Variants in ELAPOR2 observed in about 807,000 individuals in gnomAD.
ELAPOR2 encodes endosome/lysosome-associated apoptosis and autophagy regulator family member 2.
In ELAPOR2, 89 loss-of-function variants were observed where a neutral mutation model predicts 120.7. The ratio of observed to expected loss-of-function variants is 0.74; its 90% confidence interval spans 0.62 to 0.88. ELAPOR2 has a LOEUF of 0.88. ELAPOR2 is among the 40% of genes least tolerant of loss of function. The pLI is 0.00. For missense variants in ELAPOR2, 1,134 were observed against 1,251.6 expected (o/e 0.91, Z 1.42); for synonymous variants, 444 against 444.9 (o/e 1.00, Z 0.03).
At chr7:87,044,944 G>A (rs558380462) in intron 1 of ELAPOR2, among the ~76,000 whole-genome samples, 308 of 147,188 alleles carry the variant, frequency 2.1e-3, no homozygotes, top group African/African-American at 6.4e-3. Flanking sequence ...AAAAGTGGGC[G>A]AAGGACATGA....
At chr7:86,932,158 G>A (rs1790358094) in intron 8 of ELAPOR2, among the ~76,000 whole-genome samples, 4 of 151,936 alleles carry the variant, frequency 2.6e-5, no homozygotes, top group Admixed American at 2.6e-4. Context: ...GAGCTGTGAG[G>A]ATACTAGTGG....
At chr7:86,965,917 T>A in intron 1 of ELAPOR2, 1 of 985,302 alleles carries the variant, frequency 1.0e-6, no homozygotes, top group Non-Finnish European at 1.2e-6. Context: ...TCAAGCCACA[T>A]CACCATGCGG....
At chr7:87,014,816 C>G (rs549247829) in intron 1 of ELAPOR2, among the ~76,000 whole-genome samples, 1 of 152,034 alleles carries the variant, frequency 6.6e-6, no homozygotes, top group African/African-American at 2.4e-5. Context: ...TTGTTCAATT[C>G]ACTTCAAAAA....
chr7:86,924,613 A>T (rs572352518), intron 10 of ELAPOR2, among the ~76,000 whole-genome samples: 60 of 151,932 alleles, frequency 3.9e-4, no homozygotes, highest in Non-Finnish European at 7.1e-4. Flanking sequence ...AATAATGAAG[A>T]CTAGCTCACA....
Position 86,899,070 on chromosome 7 carries a change from T to C in ELAPOR2, c.2559-1438A>G, listed in dbSNP as rs188846234. On this transcript the variant is annotated intron_variant, in intron 18 of 21. Coordinates refer to ENST00000450689, the MANE Select transcript of ELAPOR2 (RefSeq NM_001142749.3). ...TTCACTACTCTGAAGATGATGGATG[T>C]GGATGGGGCTTAGACACAGGGATAG... Among the ~76,000 whole-genome samples the C allele has an allele frequency of 3.9e-5, 6 of 152,260 alleles. No homozygotes were observed. In the East Asian group the frequency reaches 1.2e-3, roughly 29 times the overall value.
chr7:86,977,456 C>T (rs1305272698), intron 1 of ELAPOR2, among the ~76,000 whole-genome samples: 1 of 152,130 alleles, frequency 6.6e-6, no homozygotes, highest in Non-Finnish European at 1.5e-5. Context: ...TAGCAACATC[C>T]CCTTTCACCC....
chr7:86,886,887 C>G (rs536441903), intron 21 of ELAPOR2, among the ~76,000 whole-genome samples: 1 of 152,194 alleles, frequency 6.6e-6, no homozygotes, highest in African/African-American at 2.4e-5. Context: ...TGAGCTGAAG[C>G]CCAGTGGTAT....
At chr7:86,981,910 G>A (rs969652657) in intron 1 of ELAPOR2, among the ~76,000 whole-genome samples, 2 of 152,210 alleles carry the variant, frequency 1.3e-5, no homozygotes, top group Admixed American at 6.5e-5. Context: ...CCTAGCCAAG[G>A]GAAACCATGA....
At chr7:87,029,848 C>G (rs908682503) in intron 1 of ELAPOR2, among the ~76,000 whole-genome samples, 1 of 151,916 alleles carries the variant, frequency 6.6e-6, no homozygotes. Context: ...AGAAGAGTAG[C>G]TAAAGAAATA....
rs1362402354 is a variant in ELAPOR2 at position 86,942,082 on chromosome 7, T to G, written c.677A>C (p.Glu226Ala). ...CCACTTGTCAGTGGTGGTGTCCATC[T>G]CCTGGCACTGATCATTTTGAATCTG... ...EFFIQNDQCQ[E>A]MDTTTDKWVK... The change falls in exon 5 of 22, where the codon GAG (glutamate) becomes GCG (alanine). Residue 226 changes from glutamate (E) to alanine (A), a missense_variant. Physicochemically the swap from Glu to Ala is moderately radical, Grantham distance 107. This residue lies in a region of ELAPOR2 where 280 missense variants were observed against 331.5 expected (regional missense o/e 0.84). Coordinates refer to ENST00000450689, the MANE Select transcript of ELAPOR2 (RefSeq NM_001142749.3). 6.5e-7 allele frequency: 1 copy of G among 1,547,798 alleles called. No individual in the cohort carries two copies. The highest frequency in any genetic ancestry group is 1.4e-5 in the African/African-American group (1 of 72,902).
chr7:86,960,842 C>T (rs1379419158), intron 2 of ELAPOR2, among the ~76,000 whole-genome samples: 8 of 151,920 alleles, frequency 5.3e-5, no homozygotes, highest in East Asian at 3.9e-4. Flanking sequence ...TATTTCTTAA[C>T]GTCCATTAAA....
At chr7:86,958,053 G>C (rs1346301540) in intron 2 of ELAPOR2, among the ~76,000 whole-genome samples, 2 of 152,058 alleles carry the variant, frequency 1.3e-5, no homozygotes, top group Non-Finnish European at 2.9e-5. Flanking sequence ...TAAATGTTAG[G>C]GGTGTGCAGA....
chr7:86,921,747 G>A (rs935899208), intron 10 of ELAPOR2, among the ~76,000 whole-genome samples: 6 of 152,180 alleles, frequency 3.9e-5, no homozygotes, highest in Admixed American at 1.3e-4. Flanking sequence ...GACTGCCAAC[G>A]TGAGAGCAGA....
chr7:86,887,203 T>A (rs1034532391), intron 21 of ELAPOR2, among the ~76,000 whole-genome samples: 3 of 152,092 alleles, frequency 2.0e-5, no homozygotes, highest in Non-Finnish European at 2.9e-5. Flanking sequence ...ATCCTTCTTA[T>A]GAAAGATGAA....
intron 10 of ELAPOR2, among the ~76,000 whole-genome samples, chr7:86,921,367 G>A (rs1054626558): frequency 6.6e-6 from 1 of 152,044 alleles, no homozygotes; most frequent in Non-Finnish European, 1.5e-5. Context: ...CACAGGGAGA[G>A]GATCATTTGA....
chr7:86,917,768 T>G (rs1160156543), intron 12 of ELAPOR2, among the ~76,000 whole-genome samples: 2 of 152,038 alleles, frequency 1.3e-5, no homozygotes, highest in African/African-American at 4.8e-5. Context: ...CGGAGAAAAC[T>G]GTTAATAAAC....
intron 7 of ELAPOR2, 90 bp from the exon 8 acceptor site, chr7:86,938,304 A>G: frequency 2.1e-6 from 2 of 961,440 alleles, no homozygotes; most frequent in Non-Finnish European, 3.2e-6. Flanking sequence ...AAGCAACTAA[A>G]AAGTACAAAT....
At chr7:86,972,231 T>A (rs74866752) in intron 1 of ELAPOR2, among the ~76,000 whole-genome samples, 2 of 152,124 alleles carry the variant, frequency 1.3e-5, no homozygotes, top group African/African-American at 4.8e-5. Flanking sequence ...CAATCAGAGC[T>A]TGGTTGTATC....
intron 18 of ELAPOR2, 33 bp downstream of exon 18, chr7:86,907,637 T>C (rs375996157): frequency 5.2e-6 from 7 of 1,348,604 alleles, no homozygotes; most frequent in South Asian, 1.3e-5. Flanking sequence ...TTCTTCCTCA[T>C]GGTAAACACA....
Sources: gnomAD v4.1 joint callset for allele counts (sites outside exome capture counted in the v4.1 genomes callset) on GRCh38, gnomAD v4.1.1 for gene constraint, gnomAD v4.1.1 regional missense constraint, MANE v1.5 for transcripts, NCBI Gene and HGNC (gene_info 2026-07-23, HGNC 2026-07-21) for gene names.